Variants in SGO2 observed in about 807,000 individuals in gnomAD.
SGO2 encodes shugoshin-like 2.
SGO2 carries 68 observed loss-of-function variants against 99.5 expected under a neutral mutation model. That is an observed-to-expected ratio of 0.68 (90% CI 0.56 to 0.84). The LOEUF (loss-of-function observed/expected upper bound fraction) is 0.84, where lower values mean the gene tolerates loss of function less well. SGO2 is among the 40% of genes least tolerant of loss of function. The pLI is 0.00. For missense variants in SGO2, 1,350 were observed against 1,436.7 expected (o/e 0.94, Z 0.97); for synonymous variants, 457 against 487.1 (o/e 0.94, Z 0.81).
rs926510673 is a variant in SGO2, at chr2:200,571,449, C to G, written c.1103C>G (p.Thr368Ser). The change falls in exon 7 of 9, where the codon ACT (threonine) becomes AGT (serine). Residue 368 changes from threonine to serine, a missense_variant. By Grantham distance (58) the Thr-to-Ser change is moderately conservative. Transcript: ENST00000357799. ...KTVYDADMDL[T>S]ASEVSKIVTV... ...GTGTATGATGCTGACATGGATTTAACTGCTAGTGAAGTCAGCAAAATTGTC... is the reference window on the plus strand; with the variant it reads ...GTGTATGATGCTGACATGGATTTAAGTGCTAGTGAAGTCAGCAAAATTGTC... 5.6e-6 allele frequency: 9 copies of G among 1,610,444 alleles called. 1 individual carries two copies. The Admixed American group carries it at 8.4e-5, about 15-fold the overall frequency.
chr2:200,547,470 C>A (rs2106320143), intron 5 of SGO2, among the ~76,000 whole-genome samples: 1 of 152,256 alleles, frequency 6.6e-6, no homozygotes, highest in South Asian at 2.1e-4. Flanking sequence ...AAATTAAGTA[C>A]ACAGACAAAC....
chr2:200,541,496 G>C (rs980031853), intron 4 of SGO2, among the ~76,000 whole-genome samples: 1 of 152,148 alleles, frequency 6.6e-6, no homozygotes, highest in Non-Finnish European at 1.5e-5. Flanking sequence ...TCTGCCTTCT[G>C]ACCATCCTAG....
chr2:200,551,640 T>G (rs1348207263), intron 5 of SGO2, among the ~76,000 whole-genome samples: 1 of 152,184 alleles, frequency 6.6e-6, no homozygotes, highest in Admixed American at 6.5e-5. Context: ...CCATTCATGT[T>G]TATATATTCA....
rs528807279 is a variant in SGO2 at position 200,527,623 on chromosome 2, A to G, written c.-3+1371A>G. ...TGCTTAACACTTTCAAAGGAGACCC[A>G]TTCCAAGAGTGGGCGGTTTTTCTAT... On this transcript the variant is annotated intron_variant, in intron 1 of 8. Coordinates refer to ENST00000357799, the MANE Select transcript of SGO2 (RefSeq NM_152524.6). Among the ~76,000 whole-genome samples the G allele has an allele frequency of 2.0e-5, 3 of 152,316 alleles. No homozygotes were observed. In the South Asian group the frequency reaches 6.2e-4, roughly 32 times the overall value.
At position 200,572,128 on chromosome 2, in the gene SGO2, G is replaced by A. The variant is rs2033451346; in HGVS notation, c.1782G>A (p.Lys594=). The A allele has an allele frequency of 6.2e-7, 1 of 1,612,742 alleles. No homozygotes were observed. The highest frequency in any genetic ancestry group is 8.5e-7 in the Non-Finnish European group (1 of 1,179,468). ...YGTHNILDLK[K]YVTDIQPSEQ... ...CCCACAATATATTGGATTTGAAAAA[G>A]TATGTCACTGATATTCAACCCTCAG... is the stretch of plus-strand genomic sequence containing the variant. Residue 594 remains lysine (K), a synonymous_variant, in exon 7 of 9, where the codon AAG becomes AAA. Coordinates refer to ENST00000357799, the MANE Select transcript of SGO2 (RefSeq NM_152524.6).
Position 200,571,381 on chromosome 2 carries a change from G to T in SGO2, c.1035G>T (p.Met345Ile). The T allele has an allele frequency of 6.2e-7, 1 of 1,610,986 alleles. No individual in the cohort carries two copies. Among genetic ancestry groups the T allele is most frequent in the Non-Finnish European group, 8.5e-7 (1 of 1,177,698 alleles). Residue 345 changes from methionine to isoleucine, a missense_variant, in exon 7 of 9, where the codon ATG (methionine) becomes ATT (isoleucine). Met to Ile is a conservative substitution (Grantham distance 10). Coordinates refer to ENST00000357799, the MANE Select transcript of SGO2 (RefSeq NM_152524.6). ...ESAREPNAEC[M>I]NQIEDNDDFQ... Reference sequence around the variant, plus strand: ...CCAGAGAACCTAATGCAGAGTGCATGAATCAAATTGAGGATAATGATGACT... The same window carrying T: ...CCAGAGAACCTAATGCAGAGTGCATTAATCAAATTGAGGATAATGATGACT...
At chr2:200,548,413 T>C (rs1183426025) in intron 5 of SGO2, among the ~76,000 whole-genome samples, 2 of 152,082 alleles carry the variant, frequency 1.3e-5, no homozygotes, top group Non-Finnish European at 2.9e-5. Flanking sequence ...GAAAATTTTC[T>C]TAAATGAAAA....
chr2:200,554,460 G>A (rs1411916872), intron 5 of SGO2, among the ~76,000 whole-genome samples: 1 of 152,140 alleles, frequency 6.6e-6, no homozygotes, highest in Non-Finnish European at 1.5e-5. Context: ...ACCTGTCAAA[G>A]TCCTATAGCT....
chr2:200,582,275 C>T (rs887712505), intron 8 of SGO2, among the ~76,000 whole-genome samples: 2 of 152,098 alleles, frequency 1.3e-5, no homozygotes, highest in Non-Finnish European at 2.9e-5. Flanking sequence ...GGGAACTGAC[C>T]TTATCCTGAA....
chr2:200,534,143 T>TC (rs1171475417), intron 2 of SGO2, among the ~76,000 whole-genome samples: 1 of 152,244 alleles, frequency 6.6e-6, no homozygotes, highest in African/African-American at 2.4e-5. Flanking sequence ...TATTAAATTT[T>TC]ATAAAACTTA....
rs577289550 is a variant in SGO2, at chr2:200,578,380, C to T, written c.3782+2919C>T. Among the ~76,000 whole-genome samples, 15 of 152,222 alleles carry T rather than the reference C, an allele frequency of 9.9e-5. No homozygotes were observed. In the East Asian group the frequency reaches 1.9e-3, roughly 20 times the overall value. ...AGGATGTTCCAGTATGTCATAGTGG[C>T]TTAATCCTAGTGGCTTAAGTAGCAA... On this transcript the variant is annotated intron_variant, in intron 8 of 8. Transcript: ENST00000357799.
chr2:200,530,919 A>G (rs1326920599), intron 1 of SGO2, among the ~76,000 whole-genome samples: 1 of 152,234 alleles, frequency 6.6e-6, no homozygotes, highest in Non-Finnish European at 1.5e-5. Context: ...GAGTATAGAC[A>G]ATGTTTTCAA....
At chr2:200,578,801 G>T (rs763427908) in intron 8 of SGO2, among the ~76,000 whole-genome samples, 1 of 152,124 alleles carries the variant, frequency 6.6e-6, no homozygotes, top group Non-Finnish European at 1.5e-5. Flanking sequence ...TTAATGTCTG[G>T]TAGGGCTAGT....
chr2:200,544,494 C>G (rs2032116084), intron 5 of SGO2, among the ~76,000 whole-genome samples: 1 of 152,192 alleles, frequency 6.6e-6, no homozygotes, highest in Admixed American at 6.5e-5. Flanking sequence ...GTTGGCCAGG[C>G]TGATCTCCAA....
chr2:200,581,007 C>T (rs971529405), intron 8 of SGO2, among the ~76,000 whole-genome samples: 3 of 151,942 alleles, frequency 2.0e-5, no homozygotes, highest in Admixed American at 6.6e-5. Context: ...TTAAAAATTC[C>T]AGGTAGATGA....
chr2:200,546,636 G>A (rs2032232673), intron 5 of SGO2, among the ~76,000 whole-genome samples: 1 of 151,922 alleles, frequency 6.6e-6, no homozygotes, highest in Non-Finnish European at 1.5e-5. Context: ...ACAAAGAAAA[G>A]CAGCTCAGAA....
At chr2:200,549,662 A>G (rs2032379187) in intron 5 of SGO2, among the ~76,000 whole-genome samples, 1 of 152,216 alleles carries the variant, frequency 6.6e-6, no homozygotes, top group African/African-American at 2.4e-5. Flanking sequence ...CTGTATGATT[A>G]TTTCAATAGA....
intron 5 of SGO2, among the ~76,000 whole-genome samples, chr2:200,556,929 A>G (rs2106328680): frequency 6.6e-6 from 1 of 152,238 alleles, no homozygotes; most frequent in East Asian, 1.9e-4. Context: ...AAGCCAGAGA[A>G]AGACCCACTC....
chr2:200,569,827 A>G lies in SGO2; in HGVS notation c.638A>G (p.Asn213Ser). The change falls in exon 6 of 9, where the codon AAT becomes AGT. Residue 213 changes from asparagine to serine, a missense_variant. Coordinates refer to ENST00000357799, the MANE Select transcript of SGO2 (RefSeq NM_152524.6). ...GAAGTGTTATTTCTTAAAGAAAATA[A>G]TCAAAATGTATATGGTTTAGATGAT... ...NSEVLFLKEN[N>S]QNVYGLDDSE... 6.2e-7 allele frequency: 1 copy of G among 1,606,418 alleles called. No homozygotes were observed. Among genetic ancestry groups the G allele is most frequent in the Non-Finnish European group, 8.5e-7 (1 of 1,173,212 alleles).
Sources: gnomAD v4.1 joint callset for allele counts (sites outside exome capture counted in the v4.1 genomes callset) on GRCh38, gnomAD v4.1.1 for gene constraint, MANE v1.5 for transcripts, NCBI Gene and HGNC (gene_info 2026-07-23, HGNC 2026-07-21) for gene names.